Variants in FAM171A1 observed in about 807,000 individuals in gnomAD.
FAM171A1 encodes family with sequence similarity 171 member A1, also known as protein FAM171A1.
A neutral mutation model predicts 74.9 loss-of-function variants in FAM171A1; 23 were observed. That is an observed-to-expected ratio of 0.31 (90% CI 0.22 to 0.44). The LOEUF (loss-of-function observed/expected upper bound fraction) is 0.44, where lower values mean the gene tolerates loss of function less well. Among genes scored for constraint, FAM171A1 ranks in the 20% least tolerant of loss-of-function variants. The pLI is 1.00. For missense variants in FAM171A1, 1,162 were observed against 1,159.2 expected (o/e 1.00, Z -0.03); for synonymous variants, 527 against 505.7 (o/e 1.04, Z -0.57).
chr10:15,307,238 A>G (rs1414514324), intron 1 of FAM171A1, among the ~76,000 whole-genome samples: 2 of 152,162 alleles, frequency 1.3e-5, no homozygotes, highest in Non-Finnish European at 2.9e-5. Flanking sequence ...TCATATACAC[A>G]GGCCATATGG....
intron 1 of FAM171A1, among the ~76,000 whole-genome samples, chr10:15,357,213 G>T (rs543752576): frequency 1.2e-4 from 19 of 152,148 alleles, no homozygotes; most frequent in Admixed American, 2.6e-4. Context: ...AACCCGGGAG[G>T]TGGAGCTTGC....
chr10:15,257,352 C>A (rs1353677115), intron 3 of FAM171A1, among the ~76,000 whole-genome samples: 1 of 152,138 alleles, frequency 6.6e-6, no homozygotes, highest in Non-Finnish European at 1.5e-5. Context: ...GGGGAATGGG[C>A]CCAGGATACG....
chr10:15,215,009 C>A (rs908140492), intron 7 of FAM171A1, among the ~76,000 whole-genome samples: 1 of 152,012 alleles, frequency 6.6e-6, no homozygotes, highest in Admixed American at 6.6e-5. Flanking sequence ...CAATCCTCCC[C>A]CTTCAGCCTC....
intron 1 of FAM171A1, among the ~76,000 whole-genome samples, chr10:15,344,610 T>A (rs1045794416): frequency 6.6e-6 from 1 of 152,212 alleles, no homozygotes; most frequent in Non-Finnish European, 1.5e-5. Context: ...TTTGTGTAAA[T>A]ATGTCTCATG....
At chr10:15,312,504 G>A (rs1019547532) in intron 1 of FAM171A1, among the ~76,000 whole-genome samples, 2 of 151,642 alleles carry the variant, frequency 1.3e-5, no homozygotes, top group Non-Finnish European at 2.9e-5. Context: ...AGTCTCGGGG[G>A]GCTCCACCTT....
intron 1 of FAM171A1, among the ~76,000 whole-genome samples, chr10:15,337,264 G>A (rs939382607): frequency 6.6e-6 from 1 of 152,180 alleles, no homozygotes; most frequent in Non-Finnish European, 1.5e-5. Flanking sequence ...CCCTAAAAAA[G>A]AAATATATGC....
intron 3 of FAM171A1, among the ~76,000 whole-genome samples, chr10:15,268,494 T>C (rs1834777079): frequency 6.6e-6 from 1 of 152,052 alleles, no homozygotes; most frequent in South Asian, 2.1e-4. Flanking sequence ...TAGACGTTTA[T>C]ACCATTGATC....
At chr10:15,255,418 TG>T (rs1834566709) in intron 3 of FAM171A1, among the ~76,000 whole-genome samples, 1 of 152,216 alleles carries the variant, frequency 6.6e-6, no homozygotes, top group Non-Finnish European at 1.5e-5. Flanking sequence ...CTTCTCTTTC[TG>T]TGGGAGCTGC....
chr10:15,258,061 T>C (rs937369257), intron 3 of FAM171A1, among the ~76,000 whole-genome samples: 1 of 152,058 alleles, frequency 6.6e-6, no homozygotes, highest in African/African-American at 2.4e-5. Flanking sequence ...TTTCTCTTTT[T>C]CTTTTTCTTT....
chr10:15,349,777 C>A (rs1835857416), intron 1 of FAM171A1, among the ~76,000 whole-genome samples: 1 of 152,102 alleles, frequency 6.6e-6, no homozygotes, highest in Non-Finnish European at 1.5e-5. Context: ...ACTTTCTGTA[C>A]CCTTTTGGTT....
chr10:15,349,122 G>A (rs1260886949), intron 1 of FAM171A1, among the ~76,000 whole-genome samples: 1 of 152,096 alleles, frequency 6.6e-6, no homozygotes, highest in Non-Finnish European at 1.5e-5. Flanking sequence ...GCAAACCTGT[G>A]TTTTCACAGC....
chr10:15,351,366 G>A lies in FAM171A1; in HGVS notation c.97+19590C>T, dbSNP rs560998899. Among the ~76,000 whole-genome samples the A allele has an allele frequency of 2.0e-5, 3 of 152,248 alleles. No individual in the cohort carries two copies. The East Asian group carries it at 5.8e-4, about 30-fold the overall frequency. The stretch of plus-strand genomic sequence containing the variant: ...GAGAGGAAGAGGTCGCGTGTGGGAT[G>A]AACACCTCCACGCTGCAGCAGCCAA... On this transcript the variant is annotated intron_variant, in intron 1 of 7. Coordinates refer to ENST00000378116, the MANE Select transcript of FAM171A1 (RefSeq NM_001010924.2).
chr10:15,349,011 A>T (rs1835848697), intron 1 of FAM171A1, among the ~76,000 whole-genome samples: 1 of 152,208 alleles, frequency 6.6e-6, no homozygotes, highest in Non-Finnish European at 1.5e-5. Context: ...ACTTTAAATT[A>T]TTTACATGAA....
intron 3 of FAM171A1, among the ~76,000 whole-genome samples, chr10:15,258,366 C>T (rs1358560492): frequency 6.6e-6 from 1 of 152,090 alleles, no homozygotes; most frequent in African/African-American, 2.4e-5. Flanking sequence ...CTCTTCTGCC[C>T]CTAACCACCT....
chr10:15,245,881 A>G (rs979621405), intron 5 of FAM171A1, among the ~76,000 whole-genome samples: 1 of 152,246 alleles, frequency 6.6e-6, no homozygotes, highest in Non-Finnish European at 1.5e-5. Flanking sequence ...AAGTAGCAGA[A>G]CCCAGGTTTT....
intron 6 of FAM171A1, among the ~76,000 whole-genome samples, chr10:15,220,553 C>G (rs1834024383): frequency 6.6e-6 from 1 of 152,134 alleles, no homozygotes; most frequent in African/African-American, 2.4e-5. Flanking sequence ...TTTTTGCCCC[C>G]AGTGGTGACT....
intron 1 of FAM171A1, among the ~76,000 whole-genome samples, chr10:15,340,519 G>C (rs190847129): frequency 7.9e-5 from 12 of 152,290 alleles, no homozygotes; most frequent in Non-Finnish European, 8.8e-5. Context: ...CCAACTGTCT[G>C]TATTAGTGCC....
intron 1 of FAM171A1, among the ~76,000 whole-genome samples, chr10:15,302,414 G>T (rs919390776): frequency 6.8e-6 from 1 of 147,288 alleles, no homozygotes; most frequent in Non-Finnish European, 1.5e-5. Flanking sequence ...GCAGTGCGCC[G>T]AAATTGCGCC....
rs201019642 is a variant in FAM171A1, at chr10:15,331,388, CA to C, written c.97+39567del. ...AGACCCCGGTCTTCTAACTGAATTT[CA>C]AAAGACGTTTTACCATACTACCTGG... On this transcript the variant is annotated intron_variant, in intron 1 of 7. Transcript: ENST00000378116. Among the ~76,000 whole-genome samples the C allele has an allele frequency of 2.4e-3, 364 of 152,170 alleles. 4 individuals are homozygous for C. The highest frequency in any genetic ancestry group is 0.012 in the East Asian group (61 of 5,168).
Sources: gnomAD v4.1 joint callset for allele counts (sites outside exome capture counted in the v4.1 genomes callset) on GRCh38, gnomAD v4.1.1 for gene constraint, MANE v1.5 for transcripts, NCBI Gene and HGNC (gene_info 2026-07-23, HGNC 2026-07-21) for gene names.